The following APBB2 variants were observed in gnomAD, a reference collection of about 807,000 sequenced individuals.
APBB2 encodes the protein amyloid beta precursor protein binding family B member 2, also known as Fe65-like 1.
A neutral mutation model predicts 82.5 loss-of-function variants in APBB2; 38 were observed. The ratio of observed to expected loss-of-function variants is 0.46; its 90% CI spans 0.36 to 0.60. The LOEUF (loss-of-function observed/expected upper bound fraction) is 0.60, where lower values mean the gene tolerates loss of function less well. Ranked by LOEUF, APBB2 falls within the 20% of genes least tolerant of loss-of-function variation. The probability of loss-of-function intolerance (pLI) is 0.00; values close to 1 mark genes in which losing one functional copy is unlikely to be tolerated. For synonymous variants in APBB2, 341 were observed against 368.2 expected, an observed-to-expected ratio of 0.93 and a Z score of 0.85; for missense variants, 772 against 972.3, an observed-to-expected ratio of 0.79 and a Z score of 2.74.
At chr4:40,946,347 C>G (rs761373790) in intron 6 of APBB2, among the ~76,000 whole-genome samples, 17 of 150,968 alleles carry the variant, frequency 1.1e-4, no homozygotes, top group Non-Finnish European at 1.3e-4. Flanking sequence ...ACATGTGAAG[C>G]AGAGTGTGAG....
At chr4:41,205,191 C>A (rs558581147) in intron 1 of APBB2, among the ~76,000 whole-genome samples, 1 of 152,222 alleles carries the variant, frequency 6.6e-6, no homozygotes, top group Admixed American at 6.5e-5. Context: ...TGATTCCAAG[C>A]AGGCAGATAA....
chr4:40,936,549 G>T (rs1032589922), intron 7 of APBB2, among the ~76,000 whole-genome samples: 6 of 152,176 alleles, frequency 3.9e-5, no homozygotes, highest in Non-Finnish European at 7.3e-5. Context: ...AAGCCATGGC[G>T]CCTGGTGCAA....
chr4:40,864,901 C>T (rs192764309), intron 12 of APBB2, among the ~76,000 whole-genome samples: 7 of 149,918 alleles, frequency 4.7e-5, no homozygotes, highest in Non-Finnish European at 1.0e-4. Flanking sequence ...CTCTGTCACC[C>T]AGGCTGGAGG....
At chr4:40,991,908 T>G (rs1471482827) in intron 6 of APBB2, among the ~76,000 whole-genome samples, 2 of 152,040 alleles carry the variant, frequency 1.3e-5, no homozygotes, top group African/African-American at 4.8e-5. Flanking sequence ...AATTAGAAAG[T>G]TATAACAATT....
chr4:40,902,739 A>G (rs1775671866), intron 10 of APBB2, among the ~76,000 whole-genome samples: 1 of 152,162 alleles, frequency 6.6e-6, no homozygotes. Flanking sequence ...CATGTTGCCC[A>G]GGCTGGTTTC....
chr4:41,086,157 A>T (rs990701389), intron 3 of APBB2, among the ~76,000 whole-genome samples: 1 of 152,192 alleles, frequency 6.6e-6, no homozygotes, highest in Non-Finnish European at 1.5e-5. Context: ...ACCTATAACC[A>T]GCAGAGACAT....
At chr4:40,982,337 AGGAAGGAAGGAAG>A (rs1560447865) in intron 6 of APBB2, among the ~76,000 whole-genome samples, 1,221 of 14,644 alleles carry the variant, frequency 0.083, 300 homozygotes, top group Non-Finnish European at 0.11. Context: ...GAAAGAAGGA[AGGAAGGAAGGAAG>A]GAAGGAAGGA....
At chr4:40,876,536 C>T (rs569070616) in intron 12 of APBB2, among the ~76,000 whole-genome samples, 31 of 152,152 alleles carry the variant, frequency 2.0e-4, no homozygotes, top group Non-Finnish European at 3.7e-4. Context: ...ATACCGTTGT[C>T]GCTTGGTGTC....
At chr4:41,169,857 G>GT (rs33935741) in intron 1 of APBB2, among the ~76,000 whole-genome samples, 46 of 149,392 alleles carry the variant, frequency 3.1e-4, no homozygotes, top group South Asian at 6.3e-4. Flanking sequence ...ATTACTGTAG[G>GT]TTTTTTTTTT....
intron 1 of APBB2, among the ~76,000 whole-genome samples, chr4:41,211,510 T>A (rs945133222): frequency 1.3e-5 from 2 of 151,258 alleles, no homozygotes; most frequent in Non-Finnish European, 2.9e-5. Flanking sequence ...TGAGACGGAG[T>A]CTCACCCTTT....
intron 5 of APBB2, among the ~76,000 whole-genome samples, chr4:41,017,317 G>A (rs1421153322): frequency 6.6e-6 from 1 of 152,204 alleles, no homozygotes; most frequent in Non-Finnish European, 1.5e-5. Flanking sequence ...CGGCAGCCAA[G>A]CTAATCCCAT....
In APBB2 at chr4:40,825,872, A is replaced by G. The variant is rs1289630417; in HGVS notation, c.1816+15T>C. 6.2e-7 allele frequency: 1 copy of G among 1,610,356 alleles called. No homozygotes were observed. Among genetic ancestry groups the G allele is most frequent in the East Asian group, 2.2e-5 (1 of 44,856 alleles). On this transcript the variant is annotated intron_variant, in intron 15 of 17. Transcript: ENST00000508593. ...CACACTTGCAAAGTGGAAAGACAAT[A>G]AACATTTCACATACCGACTGGTTTG...
chr4:40,880,123 G>C, intron 12 of APBB2: 1 of 985,418 alleles, frequency 1.0e-6, no homozygotes, highest in African/African-American at 1.7e-5. Flanking sequence ...CTCCAGTGCG[G>C]ATGGAGACAG....
chr4:41,126,569 C>T (rs1002427272), intron 2 of APBB2, among the ~76,000 whole-genome samples: 2 of 152,180 alleles, frequency 1.3e-5, no homozygotes, highest in African/African-American at 4.8e-5. Context: ...CTAAAATAGC[C>T]TGGGCTGCCT....
At chr4:40,902,306 G>A (rs73150505) in intron 10 of APBB2, among the ~76,000 whole-genome samples, 5,866 of 152,258 alleles carry the variant, frequency 0.039, 362 homozygotes, top group African/African-American at 0.13. Context: ...CAGGGCTAGC[G>A]AAAGCTTTCT....
chr4:40,869,368 T>A (rs28366698), intron 12 of APBB2, among the ~76,000 whole-genome samples: 38,502 of 151,850 alleles, frequency 0.25, 5,251 homozygotes, highest in African/African-American at 0.33. Flanking sequence ...GGAGGATCAG[T>A]TGAGGCCAGG....
chr4:40,905,881 A>G (rs1776563603), intron 10 of APBB2, among the ~76,000 whole-genome samples: 1 of 152,138 alleles, frequency 6.6e-6, no homozygotes, highest in African/African-American at 2.4e-5. Flanking sequence ...CCAGAACAGC[A>G]GCCTAGACAC....
At chr4:40,864,908 G>T (rs1763689584) in intron 12 of APBB2, among the ~76,000 whole-genome samples, 2 of 150,698 alleles carry the variant, frequency 1.3e-5, no homozygotes, top group African/African-American at 4.9e-5. Context: ...ACCCAGGCTG[G>T]AGGGTAGTAG....
At chr4:41,176,765 C>A (rs1769899416) in intron 1 of APBB2, among the ~76,000 whole-genome samples, 1 of 151,942 alleles carries the variant, frequency 6.6e-6, no homozygotes, top group African/African-American at 2.4e-5. Context: ...GAAAATAACA[C>A]AAGACAGCTT....
Sources: allele counts gnomAD v4.1 joint callset (sites outside exome capture counted in the v4.1 genomes callset), GRCh38; gene constraint gnomAD v4.1.1; transcripts MANE v1.5; gene names NCBI Gene and HGNC (gene_info 2026-07-23, HGNC 2026-07-21).